ARHGEF10: variants seen among roughly 807,000 people sequenced by gnomAD.
The protein encoded by ARHGEF10 is Rho guanine nucleotide exchange factor (GEF) 10.
ARHGEF10 carries 140 observed loss-of-function variants against 147.4 expected under a neutral mutation model. The ratio of observed to expected loss-of-function variants is 0.95; its 90% CI spans 0.83 to 1.09. The LOEUF is 1.09. Ranked by LOEUF, ARHGEF10 falls within the 50% of genes least tolerant of loss-of-function variation. The pLI is 0.00. For synonymous variants in ARHGEF10, 902 were observed against 695.8 expected (o/e 1.30, Z -4.67); for missense variants, 2,222 against 1,752.7 (o/e 1.27, Z -4.78).
intron 26 of ARHGEF10, 26 bp from the exon 27 acceptor site, chr8:1,945,455 G>A: frequency 1.3e-6 from 2 of 1,565,704 alleles, no homozygotes; most frequent in East Asian, 2.4e-5. Context: ...CACGGGGCTA[G>A]CAGACTTGAC....
chr8:1,904,320 T>A (rs1397176047), intron 16 of ARHGEF10: 1 of 152,230 alleles, frequency 6.6e-6, no homozygotes, highest in Non-Finnish European at 1.5e-5. Context: ...TGGTAATTTG[T>A]ATGAACTGTG....
chr8:1,873,712 G>T (rs1451993313), intron 7 of ARHGEF10, among the ~76,000 whole-genome samples: 1 of 147,234 alleles, frequency 6.8e-6, no homozygotes, highest in Non-Finnish European at 1.5e-5. Context: ...GCGGGGTAGT[G>T]CACTCGCATT....
intron 2 of ARHGEF10, among the ~76,000 whole-genome samples, chr8:1,856,802 G>A (rs1439276406): frequency 6.6e-6 from 1 of 152,198 alleles, no homozygotes; most frequent in Non-Finnish European, 1.5e-5. Flanking sequence ...GTGGATTGCC[G>A]GGCATGGCAG....
chr8:1,928,588 CG>C lies in ARHGEF10; in HGVS notation c.2860del (p.Glu954ArgfsTer5). ...GAGAGCCTGGGGCACCCCCGGACCC[CG>C]AGACCCCGGCCGTGAGAGCTTCTGA... Reference protein sequence around the residue: ...RREPGAPPDPETPAVRASDVP... With the variant: ...RREPGAPPDPXTPAVRASDVP... On this transcript the variant is annotated frameshift_variant, in exon 24 of 29. Coordinates refer to ENST00000349830, the MANE Select transcript of ARHGEF10 (RefSeq NM_014629.4). LOFTEE classifies it high-confidence loss of function. 1.2e-6 allele frequency: 2 copies of C among 1,614,214 alleles called. No homozygotes were observed. Among genetic ancestry groups the C allele is most frequent in the Non-Finnish European group, 1.7e-6 (2 of 1,180,038 alleles).
intron 2 of ARHGEF10, among the ~76,000 whole-genome samples, chr8:1,844,844 A>G (rs889823359): frequency 2.6e-5 from 4 of 152,172 alleles, no homozygotes; most frequent in Non-Finnish European, 4.4e-5. Context: ...AGGTGAGTGA[A>G]TCACTTGAGC....
chr8:1,844,135 T>TG lies in ARHGEF10; in HGVS notation c.37+705dup. On this transcript the variant is annotated intron_variant, in intron 2 of 28. Coordinates refer to ENST00000349830, the MANE Select transcript of ARHGEF10 (RefSeq NM_014629.4). ...ATGGGCCTGGTGTCCGTTGCAGGTCTGGGGGGTGATGGAGCTGTGGAGGTC... is the reference window on the plus strand; with the variant it reads ...ATGGGCCTGGTGTCCGTTGCAGGTCTGGGGGGGTGATGGAGCTGTGGAGGTC... 2.0e-5 allele frequency among the ~76,000 whole-genome samples: 3 copies of TG among 151,994 alleles called. No individual in the cohort carries two copies. In the East Asian group the frequency reaches 5.9e-4, roughly 30 times the overall value.
chr8:1,956,410 A>G (rs1054351933), intron 28 of ARHGEF10, among the ~76,000 whole-genome samples: 5 of 152,222 alleles, frequency 3.3e-5, no homozygotes, highest in Admixed American at 1.3e-4. Flanking sequence ...ATATTTCCAT[A>G]GGGTAAGTAA....
In ARHGEF10 at chr8:1,922,572, C is replaced by T. The variant is rs1208791074; in HGVS notation, c.2144-392C>T. 2.6e-5 allele frequency among the ~76,000 whole-genome samples: 4 copies of T among 152,212 alleles called. No homozygotes were observed. The East Asian group carries it at 7.8e-4, about 29-fold the overall frequency. ...CGTGACCACCGAACGCAGTGCGAGTCCCTGGGCTGAATCCGGGACTAGGAA... is the reference window on the plus strand; with the variant it reads ...CGTGACCACCGAACGCAGTGCGAGTTCCTGGGCTGAATCCGGGACTAGGAA... On this transcript the variant is annotated intron_variant, in intron 18 of 28. Coordinates refer to ENST00000349830, the MANE Select transcript of ARHGEF10 (RefSeq NM_014629.4).
At chr8:1,832,989 C>G (rs201298807) in intron 1 of ARHGEF10, among the ~76,000 whole-genome samples, 1 of 47,796 alleles carries the variant, frequency 2.1e-5, no homozygotes, top group South Asian at 9.4e-4. Flanking sequence ...GAGACAGAGA[C>G]AGAGGCAGAG....
rs1812931112 is a variant in ARHGEF10, at chr8:1,929,371, C to T, written c.3007C>T (p.Leu1003=). ...TCCTGAGAAGTCCACAGTCATGAGC[C>T]TGGCTTGCACGTCTCAGAGCCTGTA... ...FTPEKSTVMS[L]ACTSQSLYAG... is the part of the protein sequence containing the mutation. The change falls in exon 25 of 29, where the codon CTG becomes TTG. Residue 1003 remains leucine, a synonymous_variant. Coordinates refer to ENST00000349830, the MANE Select transcript of ARHGEF10 (RefSeq NM_014629.4). 1 of 1,613,770 alleles carries T rather than the reference C, an allele frequency of 6.2e-7. No homozygotes were observed. The highest frequency in any genetic ancestry group is 2.2e-5 in the East Asian group (1 of 44,884).
Position 1,879,745 on chromosome 8 carries a change from G to A in ARHGEF10, c.844-303G>A, listed in dbSNP as rs1278211932. The stretch of plus-strand genomic sequence containing the variant: ...TTTTTGTAATTTTAATAGAGACAGG[G>A]TTTCACCACGTTGCCCAGGCTGGTC... On this transcript the variant is annotated intron_variant, in intron 8 of 28. Coordinates refer to ENST00000349830, the MANE Select transcript of ARHGEF10 (RefSeq NM_014629.4). 2.0e-5 allele frequency among the ~76,000 whole-genome samples: 3 copies of A among 151,956 alleles called. No homozygotes were observed. The South Asian group carries it at 6.2e-4, about 32-fold the overall frequency.
At chr8:1,934,070 C>A in intron 26 of ARHGEF10, 128 bp downstream of exon 26, 1 of 1,277,132 alleles carries the variant, frequency 7.8e-7, no homozygotes, top group South Asian at 1.3e-5. Flanking sequence ...CACAGTGGCT[C>A]ATGCCTGTAA....
chr8:1,889,220 G>GGTGAGGGTTGTGTGAGATACTTAGTGGA (rs56072337), intron 11 of ARHGEF10, among the ~76,000 whole-genome samples: 1 of 90,038 alleles, frequency 1.1e-5, no homozygotes, highest in African/African-American at 5.7e-5. Flanking sequence ...CACTGAATGG[G>GGTGAGGGTTGTGTGAGATACTTAGTGGA]GTGAGGGTTG....
At chr8:1,942,458 CA>C (rs942664624) in intron 26 of ARHGEF10, among the ~76,000 whole-genome samples, 1 of 151,800 alleles carries the variant, frequency 6.6e-6, no homozygotes, top group African/African-American at 2.4e-5. Flanking sequence ...GTGGAGCCAG[CA>C]CGCACTGCAG....
chr8:1,844,093 C>T (rs1027461900), intron 2 of ARHGEF10, among the ~76,000 whole-genome samples: 10 of 151,960 alleles, frequency 6.6e-5, no homozygotes, highest in Non-Finnish European at 8.8e-5. Context: ...CGGGGCCTGC[C>T]GGACCACATG....
chr8:1,916,707 A>T (rs1585525742), intron 18 of ARHGEF10, among the ~76,000 whole-genome samples: 1 of 152,188 alleles, frequency 6.6e-6, no homozygotes, highest in African/African-American at 2.4e-5. Flanking sequence ...CTTATAGAGA[A>T]ATTCAATTTG....
chr8:1,936,106 C>T (rs1402154545), intron 26 of ARHGEF10, among the ~76,000 whole-genome samples: 4 of 143,238 alleles, frequency 2.8e-5, no homozygotes, highest in East Asian at 4.1e-4. Flanking sequence ...TATGAGGTTG[C>T]GCTGTCTTGT....
At chr8:1,871,477 A>T (rs760572994) in intron 7 of ARHGEF10, among the ~76,000 whole-genome samples, 9 of 152,220 alleles carry the variant, frequency 5.9e-5, no homozygotes, top group Non-Finnish European at 1.0e-4. Context: ...TACATAAACT[A>T]TATGGGATAG....
chr8:1,856,316 C>T (rs912233564), intron 2 of ARHGEF10, among the ~76,000 whole-genome samples: 1 of 152,156 alleles, frequency 6.6e-6, no homozygotes. Context: ...CCAGAAAGCT[C>T]GTGGGGTCCC....
Sources: allele counts gnomAD v4.1 joint callset (sites outside exome capture counted in the v4.1 genomes callset), GRCh38; gene constraint gnomAD v4.1.1; transcripts MANE v1.5; gene names NCBI Gene and HGNC (gene_info 2026-07-23, HGNC 2026-07-21).